CSNK1G1: variants seen among roughly 807,000 people sequenced by gnomAD.
CSNK1G1 encodes casein kinase I isoform gamma-1.
A neutral mutation model predicts 59.6 loss-of-function variants in CSNK1G1; 22 were observed. That is an observed-to-expected ratio of 0.37 (90% CI 0.26 to 0.53). The LOEUF (loss-of-function observed/expected upper bound fraction) is 0.53, where lower values mean the gene tolerates loss of function less well. Ranked by LOEUF, CSNK1G1 falls within the 20% of genes least tolerant of loss-of-function variation. The pLI is 0.89. For missense variants in CSNK1G1, 384 were observed against 519.5 expected, an observed-to-expected ratio of 0.74 and a Z score of 2.54; for synonymous variants, 179 against 177.1, an observed-to-expected ratio of 1.01 and a Z score of -0.08.
intron 11 of CSNK1G1, among the ~76,000 whole-genome samples, chr15:64,177,466 T>C (rs2081755035): frequency 6.6e-6 from 1 of 152,194 alleles, no homozygotes; most frequent in South Asian, 2.1e-4. Flanking sequence ...CTGGGCAAGA[T>C]GGATTGATAG....
intron 2 of CSNK1G1, among the ~76,000 whole-genome samples, chr15:64,292,254 T>A (rs1424466406): frequency 6.6e-6 from 1 of 150,938 alleles, no homozygotes; most frequent in Non-Finnish European, 1.5e-5. Flanking sequence ...CAAGTGACAG[T>A]TCAGTAATTC....
intron 1 of CSNK1G1, among the ~76,000 whole-genome samples, chr15:64,309,954 C>CTT (rs11459169): frequency 0.022 from 3,219 of 148,634 alleles, 24 homozygotes; most frequent in East Asian, 0.036. Flanking sequence ...TACAAACAGA[C>CTT]TTTTTTTTTT....
At chr15:64,225,006 CT>C (rs750533422) in intron 4 of CSNK1G1, among the ~76,000 whole-genome samples, 1,552 of 121,846 alleles carry the variant, frequency 0.013, 19 homozygotes, top group African/African-American at 0.045. Context: ...ATACACTTTT[CT>C]TTTTTTTTTT....
chr15:64,285,836 G>A (rs993076571), intron 2 of CSNK1G1, among the ~76,000 whole-genome samples: 4 of 151,362 alleles, frequency 2.6e-5, no homozygotes, highest in African/African-American at 9.7e-5. Flanking sequence ...GATCACTCTA[G>A]TTAATTTATC....
At position 64,165,774 on chromosome 15, in the gene CSNK1G1, G is replaced by T; in HGVS notation, c.*6157C>A. 1 of 378,192 alleles carries T rather than the reference G, an allele frequency of 2.6e-6. No homozygotes were observed. Among genetic ancestry groups the T allele is most frequent in the Non-Finnish European group, 4.7e-6 (1 of 213,292 alleles). The allele number at this position is 378,192 out of a possible 1,614,324, so 23.4% of individuals were successfully genotyped here. On this transcript the variant is annotated 3_prime_UTR_variant, in exon 12 of 12. Coordinates refer to ENST00000303052, the MANE Select transcript of CSNK1G1 (RefSeq NM_022048.5). Reference sequence around the variant, plus strand: ...GACATTTTATTTTACATACAAAAAGGGTGCAAACTGAGTCCTTTCCTCCCC... The same window carrying T: ...GACATTTTATTTTACATACAAAAAGTGTGCAAACTGAGTCCTTTCCTCCCC...
At chr15:64,333,421 G>A (rs1405503266) in intron 1 of CSNK1G1, among the ~76,000 whole-genome samples, 5 of 90,078 alleles carry the variant, frequency 5.6e-5, no homozygotes, top group African/African-American at 2.2e-4. Context: ...GCAACACAGT[G>A]AGACACCATC....
rs745814766 is a variant in CSNK1G1, at chr15:64,176,849, T to C, written c.1214+3499A>G. 6.6e-6 allele frequency among the ~76,000 whole-genome samples: 1 copy of C among 152,188 alleles called. No homozygotes were observed. Among genetic ancestry groups the C allele is most frequent in the Non-Finnish European group, 1.5e-5 (1 of 68,028 alleles). On this transcript the variant is annotated intron_variant, in intron 11 of 11. Coordinates refer to ENST00000303052, the MANE Select transcript of CSNK1G1 (RefSeq NM_022048.5). This position sits in a 1 kb window ranked among gnomAD's most constrained non-coding sequence, Gnocchi z 5.2. ...TTACTTTATCTTATTAGAAGATGAA[T>C]CAGAGGAAGGAGGGTCACTGCTCTG...
intron 2 of CSNK1G1, among the ~76,000 whole-genome samples, chr15:64,290,345 TAC>T (rs58767502): frequency 2.3e-4 from 35 of 150,152 alleles, no homozygotes; most frequent in South Asian, 8.4e-4. Flanking sequence ...ACACACATTT[TAC>T]ACACACACAC....
At chr15:64,321,862 A>T (rs1317889904) in intron 1 of CSNK1G1, among the ~76,000 whole-genome samples, 1 of 152,232 alleles carries the variant, frequency 6.6e-6, no homozygotes. Context: ...TACAGTTATG[A>T]TTTGGGACAT....
At chr15:64,316,472 G>C (rs183124908) in intron 1 of CSNK1G1, among the ~76,000 whole-genome samples, 64 of 148,508 alleles carry the variant, frequency 4.3e-4, no homozygotes, top group African/African-American at 1.5e-3. Flanking sequence ...GGAGGTGGAG[G>C]GTGCAGTAAG....
intron 1 of CSNK1G1, among the ~76,000 whole-genome samples, chr15:64,307,876 C>T (rs1234236462): frequency 3.3e-5 from 5 of 152,106 alleles, no homozygotes; most frequent in South Asian, 2.1e-4. Flanking sequence ...TTAGTAGAGA[C>T]GGGGTTTCAC....
chr15:64,278,377 C>CGTGCGTGTGT, intron 2 of CSNK1G1, among the ~76,000 whole-genome samples: 1 of 111,486 alleles, frequency 9.0e-6, no homozygotes, highest in East Asian at 2.5e-4. Context: ...CATGTATGTG[C>CGTGCGTGTGT]GTGTGTGTGT....
intron 11 of CSNK1G1, among the ~76,000 whole-genome samples, chr15:64,175,571 T>C (rs1368544290): frequency 6.6e-6 from 1 of 152,150 alleles, no homozygotes; most frequent in Non-Finnish European, 1.5e-5. Context: ...AAAAATACAT[T>C]CCAGGAACCT....
At chr15:64,207,414 C>A in intron 7 of CSNK1G1, 95 bp downstream of exon 7, 2 of 891,546 alleles carry the variant, frequency 2.2e-6, no homozygotes, top group South Asian at 2.9e-5. Context: ...TCTGGCCAGC[C>A]CCCTACACAT....
chr15:64,234,430 C>A (rs1369716934), intron 4 of CSNK1G1, among the ~76,000 whole-genome samples: 1 of 152,106 alleles, frequency 6.6e-6, no homozygotes, highest in Admixed American at 6.5e-5. Context: ...CATTCCAGAC[C>A]CCCTCAAAGT....
At position 64,167,326 on chromosome 15, in the gene CSNK1G1, T is replaced by G. The variant is rs1430989812; in HGVS notation, c.*4605A>C. 1 of 152,012 alleles carries G rather than the reference T, an allele frequency of 6.6e-6. No individual in the cohort carries two copies. Among genetic ancestry groups the G allele is most frequent in the Admixed American group, 6.6e-5 (1 of 15,254 alleles). 9.4% of individuals were successfully genotyped at this position (152,012 alleles called of 1,614,324 possible). A position where few individuals can be genotyped will look rare whatever the true frequency, so the allele number is the denominator to read the frequency against. On this transcript the variant is annotated 3_prime_UTR_variant, in exon 12 of 12. Transcript: ENST00000303052. The stretch of plus-strand genomic sequence containing the variant: ...ACCCCCCATACACCAAAAAACAAAC[T>G]GAAAACCAAAAACAACAACAAAAAA...
intron 1 of CSNK1G1, among the ~76,000 whole-genome samples, chr15:64,334,273 C>G (rs1897261296): frequency 6.6e-6 from 1 of 152,114 alleles, no homozygotes; most frequent in Non-Finnish European, 1.5e-5. Context: ...CTGCCTCAGC[C>G]TGCCAAAGTG....
chr15:64,297,329 G>A (rs890617825), intron 2 of CSNK1G1, among the ~76,000 whole-genome samples: 1 of 151,950 alleles, frequency 6.6e-6, no homozygotes, highest in African/African-American at 2.4e-5. Flanking sequence ...AGGCCTAAAG[G>A]ATGAGAAACA....
chr15:64,198,806 CA>C (rs2082069562), intron 10 of CSNK1G1, among the ~76,000 whole-genome samples: 2 of 150,892 alleles, frequency 1.3e-5, no homozygotes, highest in Non-Finnish European at 1.5e-5. Context: ...AAAGGTTGAA[CA>C]GACACTAGAA....
Sources: gnomAD v4.1 joint callset for allele counts (sites outside exome capture counted in the v4.1 genomes callset) on GRCh38, gnomAD v4.1.1 for gene constraint, Gnocchi (gnomAD v3.1) non-coding constraint, MANE v1.5 for transcripts, NCBI Gene and HGNC (gene_info 2026-07-23, HGNC 2026-07-21) for gene names.